Variants in ATF6 observed in about 807,000 individuals in gnomAD.
The protein encoded by ATF6 is cyclic AMP-dependent transcription factor ATF-6 alpha.
In ATF6, 53 loss-of-function variants were observed where a neutral mutation model predicts 83.6. The observed-to-expected ratio is 0.63, with a 90% confidence interval of 0.51 to 0.80. ATF6 has a LOEUF of 0.80. Ranked by LOEUF, ATF6 falls within the 30% of genes least tolerant of loss-of-function variation. The probability of loss-of-function intolerance (pLI) is 0.00; values close to 1 mark genes in which losing one functional copy is unlikely to be tolerated. For synonymous variants in ATF6, 288 were observed against 285.8 expected (o/e 1.01, Z -0.08); for missense variants, 744 against 797.9 (o/e 0.93, Z 0.81).
intron 14 of ATF6, among the ~76,000 whole-genome samples, chr1:161,909,062 TGGTTTA>T (rs1290507557): frequency 6.6e-6 from 1 of 152,248 alleles, no homozygotes; most frequent in Admixed American, 6.5e-5. Flanking sequence ...ACTAGTAATT[TGGTTTA>T]GGTTTAGGTT....
chr1:161,950,386 A>G (rs748334635), intron 15 of ATF6, among the ~76,000 whole-genome samples: 3 of 152,192 alleles, frequency 2.0e-5, no homozygotes, highest in Non-Finnish European at 4.4e-5. Flanking sequence ...ATAGTTTTTC[A>G]GAAGAAAGAG....
At chr1:161,783,830 A>G (rs1032049944) in intron 3 of ATF6, among the ~76,000 whole-genome samples, 160 bp from the exon 4 acceptor site, 3 of 151,888 alleles carry the variant, frequency 2.0e-5, no homozygotes, top group Non-Finnish European at 2.9e-5. Context: ...CATACTAGAT[A>G]TATTGTTTTC....
At chr1:161,830,309 A>G (rs1017908552) in intron 9 of ATF6, among the ~76,000 whole-genome samples, 1 of 152,226 alleles carries the variant, frequency 6.6e-6, no homozygotes, top group African/African-American at 2.4e-5. Context: ...GACACAAACA[A>G]ATGGAAGAAC....
intron 4 of ATF6, among the ~76,000 whole-genome samples, chr1:161,785,484 A>G (rs1684723407): frequency 6.6e-6 from 1 of 152,150 alleles, no homozygotes; most frequent in African/African-American, 2.4e-5. Context: ...TCTTAATTTC[A>G]GAGTATATAA....
intron 14 of ATF6, among the ~76,000 whole-genome samples, chr1:161,908,894 A>G (rs1362123670): frequency 6.6e-6 from 1 of 152,202 alleles, no homozygotes; most frequent in African/African-American, 2.4e-5. Context: ...TAGTTCCTTA[A>G]TAAGTATTTA....
intron 4 of ATF6, 42 bp from the exon 5 acceptor site, chr1:161,791,366 T>A (rs1200418550): frequency 3.9e-6 from 6 of 1,542,476 alleles, no homozygotes; most frequent in African/African-American, 1.4e-5. Context: ...ATTTGCTGCT[T>A]AAGGATTATA....
chr1:161,801,219 AGAATT>A (rs1320548724), intron 6 of ATF6, among the ~76,000 whole-genome samples: 1 of 152,144 alleles, frequency 6.6e-6, no homozygotes, highest in Non-Finnish European at 1.5e-5. Flanking sequence ...TACTCAGAAA[AGAATT>A]GAAGGCCATT....
chr1:161,890,340 GA>G (rs779397448), intron 14 of ATF6, among the ~76,000 whole-genome samples: 18 of 152,326 alleles, frequency 1.2e-4, no homozygotes, highest in Admixed American at 5.2e-4. Context: ...ATTTTCTACG[GA>G]GAAAGCAAGG....
intron 15 of ATF6, among the ~76,000 whole-genome samples, chr1:161,950,793 C>G (rs1311575777): frequency 6.6e-6 from 1 of 152,188 alleles, no homozygotes; most frequent in Non-Finnish European, 1.5e-5. Context: ...CTAATTGTAA[C>G]TACATAATCA....
chr1:161,875,861 C>T (rs1687207220), intron 14 of ATF6, among the ~76,000 whole-genome samples: 1 of 151,832 alleles, frequency 6.6e-6, no homozygotes, highest in Non-Finnish European at 1.5e-5. Flanking sequence ...ATTAAAAAGA[C>T]TTCTACTCAA....
chr1:161,893,606 G>A (rs955816123), intron 14 of ATF6, among the ~76,000 whole-genome samples: 16 of 152,322 alleles, frequency 1.1e-4, no homozygotes, highest in Admixed American at 7.2e-4. Context: ...CTAATAGAAA[G>A]ACGTCTTACT....
intron 1 of ATF6, among the ~76,000 whole-genome samples, chr1:161,768,194 G>A (rs755157511): frequency 1.3e-5 from 2 of 152,130 alleles, no homozygotes; most frequent in African/African-American, 4.8e-5. Flanking sequence ...ACACTTCCTG[G>A]TAGCATAATT....
At chr1:161,846,965 A>G (rs1049294132) in intron 10 of ATF6, among the ~76,000 whole-genome samples, 4 of 152,148 alleles carry the variant, frequency 2.6e-5, no homozygotes, top group African/African-American at 9.6e-5. Context: ...GAATAACATG[A>G]TTGAACCTAT....
chr1:161,903,153 C>G (rs962928058), intron 14 of ATF6, among the ~76,000 whole-genome samples: 1 of 152,134 alleles, frequency 6.6e-6, no homozygotes, highest in African/African-American at 2.4e-5. Context: ...TCAGCACTTA[C>G]AAAAACAAAA....
intron 9 of ATF6, among the ~76,000 whole-genome samples, chr1:161,825,812 C>G (rs1057013801): frequency 6.6e-6 from 1 of 152,120 alleles, no homozygotes; most frequent in Non-Finnish European, 1.5e-5. Flanking sequence ...TAAACTCCAG[C>G]CCCCTCTCCC....
At chr1:161,777,377 G>A (rs563188689) in intron 1 of ATF6, among the ~76,000 whole-genome samples, 3 of 152,236 alleles carry the variant, frequency 2.0e-5, no homozygotes, top group African/African-American at 4.8e-5. Flanking sequence ...TGTCTTAGGC[G>A]GTGAAATGTT....
chr1:161,915,738 C>T (rs981932024), intron 15 of ATF6, among the ~76,000 whole-genome samples: 1 of 151,892 alleles, frequency 6.6e-6, no homozygotes, highest in Non-Finnish European at 1.5e-5. Context: ...AGTTCTCCCA[C>T]TTCAGCCTCC....
intron 7 of ATF6, among the ~76,000 whole-genome samples, chr1:161,814,104 G>A (rs1447511741): frequency 6.6e-6 from 1 of 152,042 alleles, no homozygotes; most frequent in African/African-American, 2.4e-5. Context: ...GGCTGGTCTC[G>A]AACTCCTGAC....
chr1:161,827,961 G>C (rs542449463), intron 9 of ATF6, among the ~76,000 whole-genome samples: 1 of 152,138 alleles, frequency 6.6e-6, no homozygotes. Context: ...ACTCTGGGTG[G>C]TCTATAAATA....
Sources: allele counts gnomAD v4.1 joint callset (sites outside exome capture counted in the v4.1 genomes callset), GRCh38; gene constraint gnomAD v4.1.1; transcripts MANE v1.5; gene names NCBI Gene and HGNC (gene_info 2026-07-23, HGNC 2026-07-21).